TMEM135: variants seen among roughly 807,000 people sequenced by gnomAD.
TMEM135 encodes peroxisomal membrane protein 52.
A neutral mutation model predicts 60.3 loss-of-function variants in TMEM135; 30 were observed. The observed-to-expected ratio is 0.50, with a 90% CI of 0.37 to 0.68. The LOEUF (loss-of-function observed/expected upper bound fraction) is 0.68, where lower values mean the gene tolerates loss of function less well. Among genes scored for constraint, TMEM135 ranks in the 30% least tolerant of loss-of-function variants. The probability of loss-of-function intolerance (pLI) is 0.00; values close to 1 mark genes in which losing one functional copy is unlikely to be tolerated. For synonymous variants in TMEM135, 190 were observed against 186.7 expected (o/e 1.02, Z -0.14); for missense variants, 468 against 548.8 (o/e 0.85, Z 1.47).
At chr11:87,050,315 T>A in intron 1 of TMEM135, among the ~76,000 whole-genome samples, 1 of 15,914 alleles carries the variant, frequency 6.3e-5, no homozygotes, top group Non-Finnish European at 8.7e-5. Flanking sequence ...ATAACTAAAA[T>A]CAGAGCAGAA....
At position 87,142,720 on chromosome 11, in the gene TMEM135, CCTT is replaced by C. The variant is rs1365398505; in HGVS notation, c.397-14619_397-14617del. Among the ~76,000 whole-genome samples, 4 of 151,284 alleles carry C rather than the reference CCTT, an allele frequency of 2.6e-5. No homozygotes were observed. In the East Asian group the frequency reaches 7.8e-4, roughly 29 times the overall value. On this transcript the variant is annotated intron_variant, in intron 4 of 14. Coordinates refer to ENST00000305494, the MANE Select transcript of TMEM135 (RefSeq NM_022918.4). ...TCCTCCTCCTTCCTCCCTTCTCCCT[CCTT>C]CACCCCTTCCTCTCCTCTCCCTCTT...
rs2134548804 is a variant in TMEM135 at position 87,325,472 on chromosome 11, G to C, written c.*4139G>C. On this transcript the variant is annotated 3_prime_UTR_variant, in exon 15 of 15. Coordinates refer to ENST00000305494, the MANE Select transcript of TMEM135 (RefSeq NM_022918.4). Reference sequence around the variant, plus strand: ...TATCTGGTCTTTTGGAAATTATTCTGTTGCTGTTTTATGTGGGCTCTCTCT... The same window carrying C: ...TATCTGGTCTTTTGGAAATTATTCTCTTGCTGTTTTATGTGGGCTCTCTCT... The C allele has an allele frequency of 2.2e-6, 1 of 453,884 alleles. No individual in the cohort carries two copies. The highest frequency in any genetic ancestry group is 6.9e-4 in the Middle Eastern group (1 of 1,444). 28.1% of individuals were successfully genotyped at this position (453,884 alleles called of 1,614,324 possible).
chr11:87,314,630 C>T (rs1942695661), intron 12 of TMEM135, 83 bp downstream of exon 12: 4 of 1,084,548 alleles, frequency 3.7e-6, no homozygotes, highest in Non-Finnish European at 5.6e-6. Flanking sequence ...AATGTATATC[C>T]CAATGGCAAA....
chr11:87,307,209 A>G (rs1230163522), intron 9 of TMEM135, among the ~76,000 whole-genome samples: 1 of 152,138 alleles, frequency 6.6e-6, no homozygotes, highest in Non-Finnish European at 1.5e-5. Flanking sequence ...GAAGGTAAAC[A>G]TCTATGGCCC....
rs1408381184 is a variant in TMEM135 at position 87,325,506 on chromosome 11, C to A, written c.*4173C>A. 2.3e-6 allele frequency: 1 copy of A among 428,064 alleles called. No individual in the cohort carries two copies. Among genetic ancestry groups the A allele is most frequent in the East Asian group, 7.0e-5 (1 of 14,306 alleles). The allele number at this position is 428,064 out of a possible 1,614,324, so 26.5% of individuals were successfully genotyped here. ...TTATGTGGGCTCTCTCTCTCTCCCT[C>A]TCTCTCTCTCTCTGTCTGTCTCTCT... On this transcript the variant is annotated 3_prime_UTR_variant, in exon 15 of 15. Coordinates refer to ENST00000305494, the MANE Select transcript of TMEM135 (RefSeq NM_022918.4).
chr11:87,242,885 T>G (rs1382005643), intron 6 of TMEM135, among the ~76,000 whole-genome samples: 21 of 147,562 alleles, frequency 1.4e-4, no homozygotes, highest in Admixed American at 7.4e-4. Context: ...TTTTGGCTTT[T>G]GTTGCCATTG....
At chr11:87,047,458 C>T (rs1008897081) in intron 1 of TMEM135, among the ~76,000 whole-genome samples, 38 of 151,234 alleles carry the variant, frequency 2.5e-4, no homozygotes, top group Admixed American at 8.5e-4. Flanking sequence ...AGTGTGTGCG[C>T]GCACCGTGCG....
chr11:87,103,246 T>C (rs1857505302), intron 4 of TMEM135, among the ~76,000 whole-genome samples: 1 of 152,202 alleles, frequency 6.6e-6, no homozygotes, highest in African/African-American at 2.4e-5. Flanking sequence ...TTTTAGTTTT[T>C]TAAGGAGCTT....
At chr11:87,109,276 A>T (rs1382675706) in intron 4 of TMEM135, among the ~76,000 whole-genome samples, 1 of 152,230 alleles carries the variant, frequency 6.6e-6, no homozygotes, top group Non-Finnish European at 1.5e-5. Flanking sequence ...ACCTAGACAC[A>T]TGATGTTTTT....
chr11:87,223,677 A>G (rs1040066462), intron 5 of TMEM135, among the ~76,000 whole-genome samples: 2 of 151,320 alleles, frequency 1.3e-5, no homozygotes, highest in African/African-American at 2.4e-5. Flanking sequence ...GCACACACAC[A>G]CACACACACA....
intron 6 of TMEM135, among the ~76,000 whole-genome samples, chr11:87,282,759 G>A (rs1162642820): frequency 6.6e-6 from 1 of 152,212 alleles, no homozygotes; most frequent in African/African-American, 2.4e-5. Flanking sequence ...ACAGTTAGGT[G>A]ATTGGGATGT....
rs1333706952 is a variant in TMEM135, at chr11:87,091,230, C to T, written c.363-132C>T. On this transcript the variant is annotated intron_variant, in intron 3 of 14. Transcript: ENST00000305494. ...GAGAAATTAGTTCGGCATAATTTAC[C>T]TGTTTTTCTAAGATACCAGTACGTT... 5.6e-6 allele frequency: 4 copies of T among 711,408 alleles called. No individual in the cohort carries two copies. The African/African-American group carries it at 7.2e-5, about 13-fold the overall frequency. The allele number at this position is 711,408 out of a possible 1,614,324, so 44.1% of individuals were successfully genotyped here.
intron 5 of TMEM135, among the ~76,000 whole-genome samples, chr11:87,187,929 C>T (rs968086731): frequency 1.3e-5 from 2 of 152,120 alleles, no homozygotes; most frequent in Admixed American, 1.3e-4. Flanking sequence ...TCTTCTTAGA[C>T]TATATTATAC....
chr11:87,302,390 A>G lies in TMEM135; in HGVS notation c.646A>G (p.Lys216Glu). The stretch of plus-strand genomic sequence containing the variant: ...ACAAAAGAGAGAGCAACATGAGGAA[A>G]AACCCGGAAGAATGAATATGATTGG... ...VEQKREQHEE[K>E]PGRMNMIGLV... Residue 216 changes from lysine to glutamate, a missense_variant, in exon 8 of 15, where the codon AAA becomes GAA. Transcript: ENST00000305494. 2 of 1,613,946 alleles carry G rather than the reference A, an allele frequency of 1.2e-6. No individual in the cohort carries two copies.
chr11:87,217,756 C>T (rs1309042967), intron 5 of TMEM135, among the ~76,000 whole-genome samples: 1 of 151,662 alleles, frequency 6.6e-6, no homozygotes. Context: ...TGCACTCCAG[C>T]CTGGGCAACA....
intron 6 of TMEM135, among the ~76,000 whole-genome samples, chr11:87,274,330 G>T (rs1236174366): frequency 6.6e-6 from 1 of 152,286 alleles, no homozygotes; most frequent in African/African-American, 2.4e-5. Context: ...AAATCCAGAC[G>T]TATTTGAAAT....
At chr11:87,268,789 A>G (rs11235059) in intron 6 of TMEM135, among the ~76,000 whole-genome samples, 2,448 of 152,044 alleles carry the variant, frequency 0.016, 77 homozygotes, top group African/African-American at 0.056. Context: ...TTGAGAGTGT[A>G]TTTCGGTCAG....
intron 6 of TMEM135, among the ~76,000 whole-genome samples, chr11:87,247,601 A>T (rs1367731199): frequency 3.9e-5 from 6 of 152,068 alleles, no homozygotes; most frequent in Non-Finnish European, 5.9e-5. Context: ...TTGCAGTTTG[A>T]TCACAGACTG....
At chr11:87,267,703 C>CT (rs920812436) in intron 6 of TMEM135, among the ~76,000 whole-genome samples, 13 of 120,630 alleles carry the variant, frequency 1.1e-4, no homozygotes, top group Admixed American at 3.3e-4. Flanking sequence ...GATCAGTATT[C>CT]TTTTTTTTTG....
Sources: allele counts gnomAD v4.1 joint callset (sites outside exome capture counted in the v4.1 genomes callset), GRCh38; gene constraint gnomAD v4.1.1; transcripts MANE v1.5; gene names NCBI Gene and HGNC (gene_info 2026-07-23, HGNC 2026-07-21).